ERBB4: variants seen among roughly 807,000 people sequenced by gnomAD.
ERBB4 encodes erb-b2 receptor tyrosine kinase 4.
Under a neutral mutation model 158.0 loss-of-function variants are expected in ERBB4, and 42 were observed. That is an observed-to-expected ratio of 0.27 (90% confidence interval 0.21 to 0.34). ERBB4 has a LOEUF of 0.34. Ranked by LOEUF, ERBB4 falls within the 10% of genes least tolerant of loss-of-function variation. The pLI is 1.00. For missense variants in ERBB4, 1,333 were observed against 1,624.1 expected, an observed-to-expected ratio of 0.82 and a Z score of 3.08; for synonymous variants, 583 against 558.7, an observed-to-expected ratio of 1.04 and a Z score of -0.61.
intron 1 of ERBB4, among the ~76,000 whole-genome samples, chr2:212,133,173 T>A (rs1174191167): frequency 1.3e-5 from 2 of 152,036 alleles, no homozygotes; most frequent in Non-Finnish European, 2.9e-5. Context: ...GGCCAGAATG[T>A]TTTTTTCAAA....
At chr2:211,684,803 C>T (rs1158993387) in intron 12 of ERBB4, among the ~76,000 whole-genome samples, 1 of 152,188 alleles carries the variant, frequency 6.6e-6, no homozygotes, top group Non-Finnish European at 1.5e-5. Context: ...GGAGTTTCCA[C>T]ATCCTGATGA....
rs1305194154 is a variant in ERBB4 at position 212,191,732 on chromosome 2, TATAC to T, written c.83-66833_83-66830del. Reference sequence around the variant, plus strand: ...TATACATGTTACATATAACACGTGTTATACATGTTACATATAACACGTGTTATAC... The same window carrying T: ...TATACATGTTACATATAACACGTGTTATGTTACATATAACACGTGTTATAC... On this transcript the variant is annotated intron_variant, in intron 1 of 27. Transcript: ENST00000342788. 4.8e-5 allele frequency among the ~76,000 whole-genome samples: 7 copies of T among 146,792 alleles called. No individual in the cohort carries two copies. In the Admixed American group the frequency reaches 4.8e-4, roughly 10 times the overall value.
intron 19 of ERBB4, among the ~76,000 whole-genome samples, chr2:211,604,731 CGACTGTTAACTTTGAACCA>C (rs1368100898): frequency 1.3e-5 from 2 of 152,086 alleles, no homozygotes; most frequent in Non-Finnish European, 2.9e-5. Flanking sequence ...CTTGATCGAC[CGACTGTTAACTTTGAACCA>C]GCACTGCCTT....
chr2:212,529,039 C>T (rs551814699), intron 1 of ERBB4, among the ~76,000 whole-genome samples: 2 of 152,164 alleles, frequency 1.3e-5, no homozygotes, highest in South Asian at 2.1e-4. Flanking sequence ...GCAAATATTC[C>T]TCCCAAGAGT....
intron 2 of ERBB4, among the ~76,000 whole-genome samples, chr2:212,088,919 C>G (rs1244844112): frequency 2.6e-5 from 4 of 152,050 alleles, no homozygotes; most frequent in Non-Finnish European, 4.4e-5. Flanking sequence ...CAACCAGATT[C>G]CCTGCTCAGA....
chr2:211,709,274 T>TATATATATATATATATATAC (rs1553615210), intron 9 of ERBB4, among the ~76,000 whole-genome samples: 7 of 136,552 alleles, frequency 5.1e-5, no homozygotes, highest in African/African-American at 2.0e-4. Flanking sequence ...TATATATATA[T>TATATATATATATATATATAC]ACATACATAT....
chr2:211,506,540 A>G (rs2065755839), intron 20 of ERBB4, among the ~76,000 whole-genome samples: 1 of 144,236 alleles, frequency 6.9e-6, no homozygotes, highest in South Asian at 2.2e-4. Flanking sequence ...ATGAATTCGA[A>G]AATTGAAACC....
At chr2:211,776,362 T>A (rs1184984134) in intron 4 of ERBB4, among the ~76,000 whole-genome samples, 5 of 152,212 alleles carry the variant, frequency 3.3e-5, no homozygotes, top group Non-Finnish European at 7.3e-5. Flanking sequence ...CAAGCTTTTG[T>A]TTATTACTAA....
intron 1 of ERBB4, among the ~76,000 whole-genome samples, chr2:212,253,589 A>G (rs181973922): frequency 1.3e-5 from 2 of 152,142 alleles, no homozygotes; most frequent in Non-Finnish European, 2.9e-5. Context: ...ATTTCTAACT[A>G]GATTTCAGGT....
intron 1 of ERBB4, among the ~76,000 whole-genome samples, chr2:212,203,929 C>T (rs2082660625): frequency 6.6e-6 from 1 of 152,182 alleles, no homozygotes; most frequent in Non-Finnish European, 1.5e-5. Context: ...TACTAAGTCA[C>T]TTGACTGAAA....
At chr2:212,394,854 C>T (rs562374211) in intron 1 of ERBB4, among the ~76,000 whole-genome samples, 37 of 152,158 alleles carry the variant, frequency 2.4e-4, no homozygotes, top group African/African-American at 7.5e-4. Flanking sequence ...AGTTTAGTAA[C>T]GTAATAATCA....
chr2:211,408,904 A>C (rs2063199148), intron 25 of ERBB4, among the ~76,000 whole-genome samples: 2 of 152,240 alleles, frequency 1.3e-5, no homozygotes, highest in South Asian at 4.1e-4. Context: ...CACAAGAATA[A>C]AAGTGATTCA....
intron 9 of ERBB4, 57 bp downstream of exon 9, chr2:211,711,993 T>A: frequency 6.9e-7 from 1 of 1,440,964 alleles, no homozygotes; most frequent in Non-Finnish European, 9.8e-7. Flanking sequence ...AACTAAAGAA[T>A]CTCTTCAGTT....
chr2:211,384,466 G>GA (rs1453736343), intron 27 of ERBB4, among the ~76,000 whole-genome samples: 1 of 152,048 alleles, frequency 6.6e-6, no homozygotes, highest in African/African-American at 2.4e-5. Context: ...AAAGGATATT[G>GA]AAAAAACAAG....
intron 1 of ERBB4, among the ~76,000 whole-genome samples, chr2:212,351,941 A>C (rs1333653602): frequency 6.6e-6 from 1 of 152,178 alleles, no homozygotes; most frequent in Admixed American, 6.6e-5. Context: ...GGTAGACTGG[A>C]TAAAGAAAAT....
At chr2:211,741,786 T>C (rs1430032555) in intron 5 of ERBB4, among the ~76,000 whole-genome samples, 1 of 152,132 alleles carries the variant, frequency 6.6e-6, no homozygotes, top group Non-Finnish European at 1.5e-5. Context: ...AATATATACA[T>C]CTCCTGTAGT....
chr2:211,491,247 G>A (rs62178801), intron 20 of ERBB4, among the ~76,000 whole-genome samples: 10,193 of 151,996 alleles, frequency 0.067, 360 homozygotes, highest in Middle Eastern at 0.13. Context: ...AGAAATGTAC[G>A]AAGTCTCAAA....
chr2:211,598,734 T>C (rs2068710952), intron 19 of ERBB4, among the ~76,000 whole-genome samples: 1 of 152,250 alleles, frequency 6.6e-6, no homozygotes, highest in African/African-American at 2.4e-5. Context: ...TCTCCTACTT[T>C]TGAAATTCTT....
At chr2:212,442,065 G>A (rs1438642645) in intron 1 of ERBB4, among the ~76,000 whole-genome samples, 1 of 152,148 alleles carries the variant, frequency 6.6e-6, no homozygotes, top group Non-Finnish European at 1.5e-5. Flanking sequence ...CAAAGGCAAG[G>A]TGGGCATGGC....
Sources: allele counts gnomAD v4.1 joint callset (sites outside exome capture counted in the v4.1 genomes callset), GRCh38; gene constraint gnomAD v4.1.1; transcripts MANE v1.5; gene names NCBI Gene and HGNC (gene_info 2026-07-23, HGNC 2026-07-21).